The following SPIDR variants were observed in gnomAD, a reference collection of about 807,000 sequenced individuals.
The protein encoded by SPIDR is scaffold protein involved in DNA repair, also known as DNA repair-scaffolding protein.
SPIDR carries 93 observed loss-of-function variants against 104.6 expected under a neutral mutation model. The ratio of observed to expected loss-of-function variants is 0.89; its 90% CI spans 0.75 to 1.06. The LOEUF (loss-of-function observed/expected upper bound fraction) is 1.06, where lower values mean the gene tolerates loss of function less well. Among genes scored for constraint, SPIDR ranks in the 50% least tolerant of loss-of-function variants. SPIDR has a pLI of 0.00. For missense variants in SPIDR, 1,154 were observed against 1,111.2 expected (o/e 1.04, Z -0.55); for synonymous variants, 431 against 416.9 (o/e 1.03, Z -0.41).
intron 5 of SPIDR, among the ~76,000 whole-genome samples, chr8:47,319,130 A>G (rs1161087891): frequency 6.6e-6 from 1 of 152,212 alleles, no homozygotes; most frequent in Non-Finnish European, 1.5e-5. Context: ...AAATGCTCCA[A>G]TAAAAAGACA....
intron 8 of SPIDR, among the ~76,000 whole-genome samples, chr8:47,524,328 C>G (rs2084647643): frequency 6.6e-6 from 1 of 152,206 alleles, no homozygotes; most frequent in Non-Finnish European, 1.5e-5. Context: ...GTTTAGGAAG[C>G]CTGTGCTTCG....
chr8:47,477,020 C>T (rs2076367400), intron 8 of SPIDR, among the ~76,000 whole-genome samples: 1 of 152,230 alleles, frequency 6.6e-6, no homozygotes, highest in Admixed American at 6.5e-5. Context: ...GCCAGAGTAA[C>T]AGCTCAGTGA....
chr8:47,400,429 T>A (rs887679855), intron 6 of SPIDR, among the ~76,000 whole-genome samples: 3 of 152,234 alleles, frequency 2.0e-5, no homozygotes, highest in African/African-American at 7.2e-5. Context: ...TAGTCTCAGG[T>A]CTTCAAACTG....
intron 8 of SPIDR, among the ~76,000 whole-genome samples, chr8:47,572,673 AAAAT>A (rs56105115): frequency 0.041 from 5,910 of 145,826 alleles, 354 homozygotes; most frequent in Admixed American, 0.15. Context: ...AAATTAAATT[AAAAT>A]AAATAAATAA....
At chr8:47,657,612 A>G (rs2073076052) in intron 10 of SPIDR, among the ~76,000 whole-genome samples, 1 of 152,172 alleles carries the variant, frequency 6.6e-6, no homozygotes, top group South Asian at 2.1e-4. Context: ...GTATTGTACT[A>G]TTGTTTACTA....
chr8:47,711,845 A>T (rs2081939929), intron 14 of SPIDR, among the ~76,000 whole-genome samples: 1 of 152,140 alleles, frequency 6.6e-6, no homozygotes, highest in South Asian at 2.1e-4. Flanking sequence ...TCCTGTATAT[A>T]ATCAACCTCC....
intron 8 of SPIDR, among the ~76,000 whole-genome samples, chr8:47,538,132 G>A (rs12675378): frequency 0.48 from 73,489 of 151,994 alleles, 21,091 homozygotes; most frequent in East Asian, 0.73. Flanking sequence ...CCGGGATCGT[G>A]CCACTGTATT....
intron 10 of SPIDR, among the ~76,000 whole-genome samples, chr8:47,614,089 C>T (rs1230578741): frequency 1.3e-5 from 2 of 152,104 alleles, no homozygotes; most frequent in Admixed American, 6.5e-5. Flanking sequence ...TCTCATTGTT[C>T]AGCTCCCCCT....
At chr8:47,322,466 A>T (rs1375894141) in intron 5 of SPIDR, among the ~76,000 whole-genome samples, 2 of 152,220 alleles carry the variant, frequency 1.3e-5, no homozygotes, top group East Asian at 3.8e-4. Flanking sequence ...GTGGAGAAAT[A>T]GGAACACTTT....
intron 5 of SPIDR, among the ~76,000 whole-genome samples, chr8:47,310,333 CAAAA>C (rs1166703089): frequency 7.3e-5 from 4 of 54,868 alleles, no homozygotes; most frequent in East Asian, 5.6e-4. Flanking sequence ...GACTCCATCT[CAAAA>C]AAAAAAAAAA....
intron 8 of SPIDR, among the ~76,000 whole-genome samples, chr8:47,441,699 A>G (rs1554697156): frequency 1.3e-5 from 2 of 152,082 alleles, no homozygotes; most frequent in African/African-American, 4.8e-5. Context: ...GTTTTGTATC[A>G]TAGATAGAAA....
intron 10 of SPIDR, among the ~76,000 whole-genome samples, chr8:47,661,789 T>C (rs1021386637): frequency 3.9e-5 from 6 of 152,224 alleles, no homozygotes; most frequent in Admixed American, 2.0e-4. Flanking sequence ...AAAGGACTTC[T>C]AGAGAATATC....
chr8:47,708,568 G>C, intron 14 of SPIDR, among the ~76,000 whole-genome samples: 1 of 152,044 alleles, frequency 6.6e-6, no homozygotes, highest in East Asian at 1.9e-4. Context: ...GTTCACTCTT[G>C]GTGGTGTAAT....
chr8:47,363,499 TTAA>T (rs2056557299), intron 5 of SPIDR, among the ~76,000 whole-genome samples: 1 of 101,426 alleles, frequency 9.9e-6, no homozygotes, highest in Admixed American at 1.2e-4. Flanking sequence ...CCAACCTTTT[TTAA>T]AAAAAAAAAA....
At chr8:47,356,489 G>T (rs1297351547) in intron 5 of SPIDR, among the ~76,000 whole-genome samples, 1 of 152,152 alleles carries the variant, frequency 6.6e-6, no homozygotes, top group Admixed American at 6.5e-5. Context: ...AGTGGAGAAA[G>T]ATTCTGCACT....
rs1352124006 is a variant in SPIDR at position 47,306,643 on chromosome 8, C to G, written c.525+12613C>G. On this transcript the variant is annotated intron_variant, in intron 5 of 19. Transcript: ENST00000297423. ...GGTTATTGTCTGAGGTCCTCTGTTT[C>G]CTTACTTATCTTCGATCTGGTTATT... is the stretch of plus-strand genomic sequence containing the variant. 2.0e-5 allele frequency among the ~76,000 whole-genome samples: 3 copies of G among 152,170 alleles called. No individual in the cohort carries two copies. In the East Asian group the frequency reaches 5.8e-4, roughly 29 times the overall value.
chr8:47,414,773 A>G (rs2063996186), intron 7 of SPIDR, among the ~76,000 whole-genome samples: 1 of 152,190 alleles, frequency 6.6e-6, no homozygotes, highest in South Asian at 2.1e-4. Flanking sequence ...TACAAATAAA[A>G]CGTGCTGTGA....
intron 8 of SPIDR, among the ~76,000 whole-genome samples, chr8:47,510,046 T>G (rs1358733411): frequency 3.3e-5 from 5 of 152,186 alleles, no homozygotes; most frequent in African/African-American, 9.7e-5. Context: ...ATTAAGAAAC[T>G]CAAATACAGC....
intron 16 of SPIDR, 137 bp downstream of exon 16, chr8:47,713,778 C>T (rs1298182186): frequency 1.7e-6 from 2 of 1,198,208 alleles, no homozygotes; most frequent in Non-Finnish European, 2.3e-6. Flanking sequence ...AGAACAAAAG[C>T]AGAAATTGTT....
Sources: gnomAD v4.1 joint callset for allele counts (sites outside exome capture counted in the v4.1 genomes callset) on GRCh38, gnomAD v4.1.1 for gene constraint, MANE v1.5 for transcripts, NCBI Gene and HGNC (gene_info 2026-07-23, HGNC 2026-07-21) for gene names.